Variants in AGMO observed in about 807,000 individuals in gnomAD.
AGMO encodes the protein alkylglycerol monooxygenase, also known as glyceryl-ether monooxygenase.
A neutral mutation model predicts 60.2 loss-of-function variants in AGMO; 75 were observed. The ratio of observed to expected loss-of-function variants is 1.25; its 90% CI spans 1.03 to 1.51. The LOEUF is 1.51. Ranked by LOEUF, AGMO falls within the 40% of genes most tolerant of loss-of-function variation. The probability of loss-of-function intolerance (pLI) is 0.00; values close to 1 mark genes in which losing one functional copy is unlikely to be tolerated. For missense variants in AGMO, 763 were observed against 525.5 expected (o/e 1.45, Z -4.42); for synonymous variants, 261 against 177.1 (o/e 1.47, Z -3.76).
At chr7:15,359,319 T>G (rs1782662793) in intron 12 of AGMO, among the ~76,000 whole-genome samples, 1 of 151,762 alleles carries the variant, frequency 6.6e-6, no homozygotes, top group African/African-American at 2.4e-5. Context: ...AAATTAGATT[T>G]ATTATTTTTA....
chr7:15,474,159 C>T (rs1782527625), intron 3 of AGMO, among the ~76,000 whole-genome samples: 1 of 152,172 alleles, frequency 6.6e-6, no homozygotes, highest in African/African-American at 2.4e-5. Flanking sequence ...CTATCCCCTT[C>T]AAGCTACTAT....
chr7:15,546,276 C>T (rs2115283930), intron 2 of AGMO, among the ~76,000 whole-genome samples: 1 of 152,198 alleles, frequency 6.6e-6, no homozygotes, highest in Middle Eastern at 3.4e-3. Flanking sequence ...ATGCCAAATG[C>T]TCACAATTTT....
chr7:15,313,970 C>T lies in AGMO; in HGVS notation c.1263+51544G>A, dbSNP rs185047586. 1.9e-3 allele frequency among the ~76,000 whole-genome samples: 285 copies of T among 151,664 alleles called. 1 individual carries two copies. Among genetic ancestry groups the T allele is most frequent in the Non-Finnish European group, 2.5e-3 (170 of 67,928 alleles). On this transcript the variant is annotated intron_variant, in intron 12 of 12. Coordinates refer to ENST00000342526, the MANE Select transcript of AGMO (RefSeq NM_001004320.2). ...TGCCTACTTGATGGATGAAGTGAGG[C>T]GAATGACATAGGTGATGTAGTGTTA...
chr7:15,402,651 C>G (rs1467844146), intron 5 of AGMO, among the ~76,000 whole-genome samples: 1 of 142,476 alleles, frequency 7.0e-6, no homozygotes, highest in Non-Finnish European at 1.5e-5. Flanking sequence ...TATATATTAA[C>G]CTTATTAAAT....
chr7:15,376,064 C>T (rs1049613472), intron 10 of AGMO, among the ~76,000 whole-genome samples: 2 of 152,052 alleles, frequency 1.3e-5, no homozygotes, highest in African/African-American at 2.4e-5. Context: ...CACTTTTCTA[C>T]ATTTCTGTAG....
At chr7:15,146,845 G>A in the AGMO span, among the ~76,000 whole-genome samples, 1 of 152,044 alleles carries the variant, frequency 6.6e-6, no homozygotes, top group Non-Finnish European at 1.5e-5. Flanking sequence ...GTGAAATATT[G>A]ACAGCATAAA....
chr7:15,406,612 T>C (rs1488311672), intron 5 of AGMO, among the ~76,000 whole-genome samples: 8 of 82,732 alleles, frequency 9.7e-5, no homozygotes, highest in African/African-American at 3.9e-4. Flanking sequence ...TAAGTACACA[T>C]GTACACATGT....
chr7:15,554,434 A>C (rs1004423616), intron 2 of AGMO, among the ~76,000 whole-genome samples: 4 of 152,000 alleles, frequency 2.6e-5, no homozygotes, highest in African/African-American at 9.7e-5. Flanking sequence ...AAGTGATCTA[A>C]ATGTAAAGAG....
chr7:15,263,938 A>G (rs927763088), intron 12 of AGMO, among the ~76,000 whole-genome samples: 1 of 152,068 alleles, frequency 6.6e-6, no homozygotes, highest in Non-Finnish European at 1.5e-5. Context: ...GGTGAGGGAT[A>G]AAAGACTACA....
At chr7:15,150,563 G>A in the AGMO span, among the ~76,000 whole-genome samples, 1 of 151,948 alleles carries the variant, frequency 6.6e-6, no homozygotes, top group Non-Finnish European at 1.5e-5. Flanking sequence ...TCGAGATCAA[G>A]TGGTTTTTGT....
In AGMO at chr7:15,228,743, T is replaced by A. The variant is rs1251243573; in HGVS notation, c.1264-27384A>T. Among the ~76,000 whole-genome samples the A allele has an allele frequency of 2.0e-5, 3 of 152,178 alleles. No homozygotes were observed. In the East Asian group the frequency reaches 5.8e-4, roughly 29 times the overall value. On this transcript the variant is annotated intron_variant, in intron 12 of 12. Transcript: ENST00000342526. The stretch of plus-strand genomic sequence containing the variant: ...TAGTTATCTGCCAAAGCTGAAATTA[T>A]AGTATTCCTCTGTGATTTGTTTTGA...
intron 3 of AGMO, among the ~76,000 whole-genome samples, chr7:15,529,667 C>CTGTATACAGAATATATAG (rs1554283126): frequency 1.3e-4 from 2 of 15,044 alleles, no homozygotes; most frequent in African/African-American, 2.3e-4. Flanking sequence ...TATATATATT[C>CTGTATACAGAATATATAG]TATATATATT....
the AGMO span, among the ~76,000 whole-genome samples, chr7:15,147,276 G>A: frequency 5.9e-5 from 9 of 152,188 alleles, no homozygotes; most frequent in African/African-American, 1.4e-4. Context: ...AGACATATCC[G>A]AGACTGGGTA....
chr7:15,440,812 C>A (rs775564738), intron 3 of AGMO, among the ~76,000 whole-genome samples: 1 of 152,182 alleles, frequency 6.6e-6, no homozygotes, highest in Non-Finnish European at 1.5e-5. Context: ...ATTGTCCAAT[C>A]TATTACAAAG....
At chr7:15,265,288 G>T (rs1007195877) in intron 12 of AGMO, among the ~76,000 whole-genome samples, 2 of 151,982 alleles carry the variant, frequency 1.3e-5, no homozygotes, top group East Asian at 3.9e-4. Context: ...TTAGATGGGG[G>T]ATGGAGAGAG....
At chr7:15,312,200 T>C (rs1006044576) in intron 12 of AGMO, among the ~76,000 whole-genome samples, 1 of 151,964 alleles carries the variant, frequency 6.6e-6, no homozygotes, top group African/African-American at 2.4e-5. Flanking sequence ...GTAGAGGCAA[T>C]ATCAGAAGAG....
intron 3 of AGMO, among the ~76,000 whole-genome samples, chr7:15,544,346 T>G (rs57464032): frequency 0.034 from 5,119 of 152,124 alleles, 293 homozygotes; most frequent in African/African-American, 0.12. Context: ...CAAACACCAC[T>G]TGTTGCCCAA....
At chr7:15,369,107 A>C (rs1014772020) in intron 10 of AGMO, among the ~76,000 whole-genome samples, 1 of 152,132 alleles carries the variant, frequency 6.6e-6, no homozygotes, top group Admixed American at 6.6e-5. Flanking sequence ...TAATATATCA[A>C]GAGATATATT....
intron 12 of AGMO, among the ~76,000 whole-genome samples, chr7:15,266,924 T>G (rs1047383776): frequency 2.0e-5 from 3 of 151,976 alleles, no homozygotes; most frequent in African/African-American, 7.2e-5. Context: ...ATTGTCGAAA[T>G]TCCACAGAAG....
Sources: gnomAD v4.1 joint callset for allele counts (sites outside exome capture counted in the v4.1 genomes callset) on GRCh38, gnomAD v4.1.1 for gene constraint, MANE v1.5 for transcripts, NCBI Gene and HGNC (gene_info 2026-07-23, HGNC 2026-07-21) for gene names.